Variants in C1GALT1 observed in about 807,000 individuals in gnomAD.
C1GALT1 encodes the protein core 1 synthase, glycoprotein-N-acetylgalactosamine 3-beta-galactosyltransferase 1.
Under a neutral mutation model 31.0 loss-of-function variants are expected in C1GALT1, and 11 were observed. That is an observed-to-expected ratio of 0.36 (90% CI 0.22 to 0.59). The LOEUF (loss-of-function observed/expected upper bound fraction) is 0.59. C1GALT1 is among the 20% of genes least tolerant of loss of function. C1GALT1 has a pLI of 0.79. For missense variants in C1GALT1, 424 were observed against 425.2 expected, an observed-to-expected ratio of 1.00 and a Z score of 0.03; for synonymous variants, 175 against 143.6, an observed-to-expected ratio of 1.22 and a Z score of -1.56.
intron 1 of C1GALT1, among the ~76,000 whole-genome samples, chr7:7,184,358 G>T (rs1164722611): frequency 4.6e-5 from 7 of 152,022 alleles, no homozygotes; most frequent in South Asian, 2.1e-4. Flanking sequence ...GTATTTTTTT[G>T]TATCTTCCTA....
At chr7:7,230,608 C>G (rs1006302551) in intron 1 of C1GALT1, among the ~76,000 whole-genome samples, 5 of 130,108 alleles carry the variant, frequency 3.8e-5, no homozygotes, top group African/African-American at 1.5e-4. Context: ...TTTGTCTCAT[C>G]TATTCTATAT....
intron 1 of C1GALT1, among the ~76,000 whole-genome samples, chr7:7,198,867 G>T (rs1781412275): frequency 6.6e-6 from 1 of 152,098 alleles, no homozygotes; most frequent in South Asian, 2.1e-4. Context: ...ATTTCTGTGG[G>T]ATCGGTGGTG....
At chr7:7,214,992 A>G (rs1171428283) in intron 1 of C1GALT1, among the ~76,000 whole-genome samples, 1 of 152,226 alleles carries the variant, frequency 6.6e-6, no homozygotes, top group Non-Finnish European at 1.5e-5. Flanking sequence ...ATCAGCTGGT[A>G]CCATCCAGGT....
Position 7,239,032 on chromosome 7 carries a change from C to T in C1GALT1, c.888+110C>T, listed in dbSNP as rs1783500816. ...TTTAGTACCAACAACAAGGACTCTT[C>T]CTTAGTCTTTTTAAATAGAGTGGCA... On this transcript the variant is annotated intron_variant, in intron 3 of 3. Coordinates refer to ENST00000436587, the MANE Select transcript of C1GALT1 (RefSeq NM_020156.5). 3.4e-6 allele frequency: 3 copies of T among 877,720 alleles called. No homozygotes were observed. In the Admixed American group the frequency reaches 8.8e-5, roughly 26 times the overall value. 54.4% of individuals were successfully genotyped at this position (877,720 alleles called of 1,614,324 possible). A position where few individuals can be genotyped will look rare whatever the true frequency, so the allele number is the denominator to read the frequency against.
At chr7:7,172,590 C>G (rs1004354994) in intron 2 of C1GALT1, among the ~76,000 whole-genome samples, 1 of 152,106 alleles carries the variant, frequency 6.6e-6, no homozygotes, top group African/African-American at 2.4e-5. Context: ...TGCTGGTCCT[C>G]TTGATGATGA....
At chr7:7,171,075 T>C (rs545159096) in intron 2 of C1GALT1, among the ~76,000 whole-genome samples, 9 of 148,910 alleles carry the variant, frequency 6.0e-5, no homozygotes, top group African/African-American at 2.2e-4. Context: ...GAGAAAAATA[T>C]GTATTCTGCT....
chr7:7,214,975 C>A (rs1342881710), intron 1 of C1GALT1, among the ~76,000 whole-genome samples: 4 of 152,158 alleles, frequency 2.6e-5, no homozygotes, highest in African/African-American at 9.7e-5. Context: ...AACCCTGCCT[C>A]TGATGGATCA....
At chr7:7,214,826 A>G (rs149330837) in intron 1 of C1GALT1, among the ~76,000 whole-genome samples, 12 of 152,318 alleles carry the variant, frequency 7.9e-5, no homozygotes, top group Non-Finnish European at 1.6e-4. Context: ...CCCATGATAT[A>G]CTTTCCACTT....
upstream of C1GALT1, among the ~76,000 whole-genome samples, chr7:7,182,078 C>G (rs1562556555): frequency 1.3e-5 from 2 of 152,162 alleles, no homozygotes; most frequent in Non-Finnish European, 2.9e-5. Flanking sequence ...TGACCCAGCA[C>G]CCGTATGCAT....
At chr7:7,182,351 G>T (rs740532), upstream of C1GALT1, among the ~76,000 whole-genome samples, 2 of 152,076 alleles carry the variant, frequency 1.3e-5, no homozygotes, top group Non-Finnish European at 2.9e-5. Flanking sequence ...GAGAGTAGCA[G>T]ACACAAGCCG....
chr7:7,186,149 CTT>C (rs1780807205), intron 1 of C1GALT1, among the ~76,000 whole-genome samples: 1 of 151,926 alleles, frequency 6.6e-6, no homozygotes, highest in Non-Finnish European at 1.5e-5. Context: ...AGAACTCTTT[CTT>C]TCTTTCTTTC....
At chr7:7,237,782 C>T (rs192204695) in intron 2 of C1GALT1, among the ~76,000 whole-genome samples, 2 of 152,278 alleles carry the variant, frequency 1.3e-5, no homozygotes, top group East Asian at 1.9e-4. Flanking sequence ...TTCAGAAACT[C>T]GTTCAGAGCA....
At chr7:7,232,578 C>T (rs1562592989) in intron 1 of C1GALT1, among the ~76,000 whole-genome samples, 1 of 151,680 alleles carries the variant, frequency 6.6e-6, no homozygotes, top group Non-Finnish European at 1.5e-5. Context: ...GCAGTCCTGC[C>T]TCCCAGGTTC....
rs1350122602 is a variant in C1GALT1 at position 7,182,851 on chromosome 7, G to C, written c.-18+31G>C. ...GCCGGCGGAGGCGCCCTCAGGCTAC[G>C]GGTCCAAGGTCTCGTCTCCCCTCGC... On this transcript the variant is annotated intron_variant, in intron 1 of 3. Coordinates refer to ENST00000436587, the MANE Select transcript of C1GALT1 (RefSeq NM_020156.5). The C allele has an allele frequency of 5.1e-6, 5 of 985,434 alleles. No individual in the cohort carries two copies. In the East Asian group the frequency reaches 4.6e-4, roughly 90 times the overall value. The allele number at this position is 985,434 out of a possible 1,614,324, so 61.0% of individuals were successfully genotyped here. A position where few individuals can be genotyped will look rare whatever the true frequency, so the allele number is the denominator to read the frequency against.
chr7:7,158,860 C>T (rs924853572), intron 2 of C1GALT1, among the ~76,000 whole-genome samples: 3 of 151,916 alleles, frequency 2.0e-5, no homozygotes, highest in African/African-American at 7.3e-5. Context: ...TGTTAGACGG[C>T]CTATTGATTT....
intron 1 of C1GALT1, among the ~76,000 whole-genome samples, chr7:7,212,326 G>T (rs781704787): frequency 1.3e-5 from 2 of 152,158 alleles, no homozygotes; most frequent in Non-Finnish European, 2.9e-5. Flanking sequence ...TTGGCTCTGC[G>T]TGTCAAGCTT....
chr7:7,204,582 T>C (rs1018081636), intron 1 of C1GALT1, among the ~76,000 whole-genome samples: 2 of 152,124 alleles, frequency 1.3e-5, no homozygotes, highest in Non-Finnish European at 2.9e-5. Context: ...TTTATTGTTT[T>C]ATTTCTTCTG....
At chr7:7,209,338 A>G (rs1319321747) in intron 1 of C1GALT1, 1 of 152,096 alleles carries the variant, frequency 6.6e-6, no homozygotes, top group East Asian at 1.9e-4. Context: ...GCATTTTAGT[A>G]TTTTTTCCGA....
chr7:7,221,317 G>A (rs918862673), intron 1 of C1GALT1, among the ~76,000 whole-genome samples: 13 of 151,884 alleles, frequency 8.6e-5, no homozygotes, highest in Admixed American at 7.9e-4. Context: ...TTAATTTTTA[G>A]GAGTCTTTTG....
Sources: gnomAD v4.1 joint callset for allele counts (sites outside exome capture counted in the v4.1 genomes callset) on GRCh38, gnomAD v4.1.1 for gene constraint, MANE v1.5 for transcripts, NCBI Gene and HGNC (gene_info 2026-07-23, HGNC 2026-07-21) for gene names.